Variants in CELF2 observed in about 807,000 individuals in gnomAD.
CELF2 encodes CUGBP Elav-like family member 2.
CELF2 carries 8 observed loss-of-function variants against 62.6 expected under a neutral mutation model. The ratio of observed to expected loss-of-function variants is 0.13; its 90% CI spans 0.07 to 0.23. The LOEUF is 0.23. CELF2 is among the 10% of genes least tolerant of loss of function. The probability of loss-of-function intolerance (pLI) is 1.00; values close to 1 mark genes in which losing one functional copy is unlikely to be tolerated. For synonymous variants in CELF2, 258 were observed against 250.0 expected, an observed-to-expected ratio of 1.03 and a Z score of -0.30; for missense variants, 333 against 671.0, an observed-to-expected ratio of 0.50 and a Z score of 5.56.
In CELF2 at chr10:11,242,855, G is replaced by T. The variant is rs571712041; in HGVS notation, c.355-6298G>T. Reference sequence around the variant, plus strand: ...CTTATCCCCAGGAGGTGGGACGAAGGGGGAGGCCTGATGCTGGGAGGCTTG... The same window carrying T: ...CTTATCCCCAGGAGGTGGGACGAAGTGGGAGGCCTGATGCTGGGAGGCTTG... On this transcript the variant is annotated intron_variant, in intron 3 of 12. Transcript: ENST00000633077. The surrounding 1 kb of genome is among the most constrained non-coding windows in gnomAD (Gnocchi z 4.8). 3.3e-5 allele frequency among the ~76,000 whole-genome samples: 5 copies of T among 152,210 alleles called. No individual in the cohort carries two copies. Among genetic ancestry groups the T allele is most frequent in the Admixed American group, 6.5e-5 (1 of 15,284 alleles).
At chr10:10,859,390 A>C (rs925362687) in intron 1 of CELF2, among the ~76,000 whole-genome samples, 14 of 152,202 alleles carry the variant, frequency 9.2e-5, no homozygotes, top group Non-Finnish European at 1.8e-4. Context: ...GAGTCTTAAC[A>C]GTCCTTTGGA....
At position 11,331,035 on chromosome 10, in the gene CELF2, A is replaced by G. The variant is rs1020450205; in HGVS notation, c.*1982A>G. The G allele has an allele frequency of 6.6e-6, 1 of 152,620 alleles. No individual in the cohort carries two copies. Among genetic ancestry groups the G allele is most frequent in the African/African-American group, 2.4e-5 (1 of 41,434 alleles). 9.5% of individuals were successfully genotyped at this position (152,620 alleles called of 1,614,324 possible). A position where few individuals can be genotyped will look rare whatever the true frequency, so the allele number is the denominator to read the frequency against. On this transcript the variant is annotated 3_prime_UTR_variant, in exon 13 of 13. Transcript: ENST00000633077. The stretch of plus-strand genomic sequence containing the variant: ...GAACCACTTTTTGTAGATTAGTATA[A>G]GAAAAATATTTACCCTGTTTTGGGG...
At chr10:10,557,867 T>C in the CELF2 span, among the ~76,000 whole-genome samples, 2 of 144,378 alleles carry the variant, frequency 1.4e-5, no homozygotes, top group Non-Finnish European at 3.0e-5. Context: ...ATGCTTGTGA[T>C]TTTTGTACAT....
At chr10:10,767,945 G>A in the CELF2 span, among the ~76,000 whole-genome samples, 11 of 117,062 alleles carry the variant, frequency 9.4e-5, no homozygotes, top group Admixed American at 4.8e-4. Context: ...GCAGTGAGCC[G>A]AGATCGCGCC....
chr10:10,986,812 A>G (rs2052810026), intron 2 of CELF2, among the ~76,000 whole-genome samples: 1 of 152,204 alleles, frequency 6.6e-6, no homozygotes, highest in Non-Finnish European at 1.5e-5. Context: ...GATAAACATT[A>G]GCGTCAGCAC....
Position 11,314,552 on chromosome 10 carries a change from G to T in CELF2, c.1096+294G>T, listed in dbSNP as rs2094794120. The T allele has an allele frequency of 6.7e-6, 3 of 448,888 alleles. No homozygotes were observed. Among genetic ancestry groups the T allele is most frequent in the Non-Finnish European group, 1.2e-5 (3 of 240,486 alleles). The allele number at this position is 448,888 out of a possible 1,614,324, so 27.8% of individuals were successfully genotyped here. On this transcript the variant is annotated intron_variant, in intron 10 of 12. Transcript: ENST00000633077. This position sits in a 1 kb window ranked among gnomAD's most constrained non-coding sequence, Gnocchi z 5.3. ...TTTCAGGTTTCCAGGAGTTTGGTTT[G>T]GTTTGGTTTCGGTCGGTTCTGTCCT... is the stretch of plus-strand genomic sequence containing the variant.
intron 1 of CELF2, among the ~76,000 whole-genome samples, chr10:11,023,182 G>C (rs768157544): frequency 6.6e-6 from 1 of 152,178 alleles, no homozygotes; most frequent in Non-Finnish European, 1.5e-5. Context: ...CAGAACCACA[G>C]AAGGGAGGGT....
the CELF2 span, among the ~76,000 whole-genome samples, chr10:10,691,835 C>T: frequency 6.8e-6 from 1 of 147,458 alleles, no homozygotes; most frequent in Non-Finnish European, 1.5e-5. Context: ...ATGTCCTTCG[C>T]CCACTTTTTG....
At position 10,813,697 on chromosome 10, in the gene CELF2, C is replaced by A. The variant is rs2056159052; in HGVS notation, c.53+14880C>A. ...ATTTAAAAGGTTTATTCCAGCAAAA[C>A]TTCCTTTAAACTCTATTTAAGCAGT... On this transcript the variant is annotated intron_variant, in intron 1 of 13. Coordinates refer to the CELF2 transcript ENST00000636488. Among the ~76,000 whole-genome samples, 5 of 152,222 alleles carry A rather than the reference C, an allele frequency of 3.3e-5. No individual in the cohort carries two copies. In the South Asian group the frequency reaches 1.0e-3, roughly 32 times the overall value.
the CELF2 span, among the ~76,000 whole-genome samples, chr10:10,587,912 A>G: frequency 1.3e-5 from 2 of 152,136 alleles, no homozygotes; most frequent in East Asian, 1.9e-4. Context: ...ATACCCGCAG[A>G]TTTGGGAAAA....
intron 1 of CELF2, among the ~76,000 whole-genome samples, chr10:11,072,269 C>T (rs2070336567): frequency 6.6e-6 from 1 of 152,220 alleles, no homozygotes; most frequent in Non-Finnish European, 1.5e-5. Context: ...CTCCTCCTCT[C>T]TCTAATGTTA....
upstream of CELF2, among the ~76,000 whole-genome samples, chr10:11,000,950 T>C (rs1412743551): frequency 6.6e-6 from 1 of 152,146 alleles, no homozygotes. Context: ...GTTGCACCCA[T>C]AGAGAAAGAC....
At chr10:10,513,022 G>A in the CELF2 span, among the ~76,000 whole-genome samples, 1 of 152,142 alleles carries the variant, frequency 6.6e-6, no homozygotes, top group South Asian at 2.1e-4. Context: ...GTGCCATGGT[G>A]GTGGTTTTCT....
the CELF2 span, among the ~76,000 whole-genome samples, chr10:10,600,312 C>T: frequency 3.9e-5 from 6 of 152,254 alleles, no homozygotes; most frequent in Admixed American, 1.3e-4. Flanking sequence ...ATTTTTAAAA[C>T]TTCTCCATAT....
the CELF2 span, among the ~76,000 whole-genome samples, chr10:10,649,649 A>T: frequency 6.6e-6 from 1 of 152,234 alleles, no homozygotes; most frequent in African/African-American, 2.4e-5. Flanking sequence ...TTTAAGTTGG[A>T]TCTGGAGTGA....
chr10:10,604,398 C>T, the CELF2 span, among the ~76,000 whole-genome samples: 14 of 152,240 alleles, frequency 9.2e-5, no homozygotes, highest in African/African-American at 3.1e-4. Flanking sequence ...TCATCAGGTT[C>T]TATGGTTTTA....
intron 2 of CELF2, among the ~76,000 whole-genome samples, chr10:11,199,125 A>G (rs1000476006): frequency 1.3e-5 from 2 of 152,154 alleles, no homozygotes; most frequent in African/African-American, 4.8e-5. Flanking sequence ...GTGGCGAGAG[A>G]TTGTCAAGGA....
chr10:11,079,275 T>A (rs2150044), intron 1 of CELF2, among the ~76,000 whole-genome samples: 104,564 of 152,068 alleles, frequency 0.69, 37,659 homozygotes, highest in African/African-American at 0.91. Context: ...ACTCTTATTC[T>A]AAAATAGCTT....
intron 1 of CELF2, among the ~76,000 whole-genome samples, chr10:10,878,270 A>G (rs2061236276): frequency 6.6e-6 from 1 of 152,038 alleles, no homozygotes; most frequent in Non-Finnish European, 1.5e-5. Context: ...CCCAAGGGCC[A>G]CTCTTTCCTT....
Sources: gnomAD v4.1 joint callset for allele counts (sites outside exome capture counted in the v4.1 genomes callset) on GRCh38, gnomAD v4.1.1 for gene constraint, Gnocchi (gnomAD v3.1) non-coding constraint, MANE v1.5 for transcripts, NCBI Gene and HGNC (gene_info 2026-07-23, HGNC 2026-07-21) for gene names.